Variants in DGKH observed in about 807,000 individuals in gnomAD.
The protein encoded by DGKH is DAG kinase eta.
In DGKH, 90 loss-of-function variants were observed where a neutral mutation model predicts 159.3. That is an observed-to-expected ratio of 0.57 (90% CI 0.48 to 0.67). The LOEUF is 0.67. Ranked by LOEUF, DGKH falls within the 30% of genes least tolerant of loss-of-function variation. The probability of loss-of-function intolerance (pLI) is 0.00; values close to 1 mark genes in which losing one functional copy is unlikely to be tolerated. For synonymous variants in DGKH, 536 were observed against 553.8 expected (o/e 0.97, Z 0.45); for missense variants, 1,181 against 1,506.1 (o/e 0.78, Z 3.57).
chr13:42,101,325 C>T (rs545555207), intron 1 of DGKH, among the ~76,000 whole-genome samples: 2 of 152,346 alleles, frequency 1.3e-5, no homozygotes, highest in African/African-American at 4.8e-5. Flanking sequence ...AATGATACAG[C>T]ATTAAGGCAC....
At chr13:42,116,722 C>T (rs1051523512) in intron 1 of DGKH, among the ~76,000 whole-genome samples, 2 of 152,108 alleles carry the variant, frequency 1.3e-5, no homozygotes, top group Admixed American at 6.5e-5. Flanking sequence ...GACACAGAGG[C>T]GTTTCTGAAA....
At chr13:42,164,141 A>C (rs1396214871) in intron 7 of DGKH, among the ~76,000 whole-genome samples, 1 of 152,224 alleles carries the variant, frequency 6.6e-6, no homozygotes, top group Non-Finnish European at 1.5e-5. Flanking sequence ...GAAAACAAAC[A>C]AAATAAAAAA....
chr13:42,069,963 A>G (rs1244161814), intron 1 of DGKH: 4 of 737,804 alleles, frequency 5.4e-6, no homozygotes, highest in Non-Finnish European at 9.5e-6. Flanking sequence ...GCTGAACTTC[A>G]TCAATATCAA....
intron 13 of DGKH, among the ~76,000 whole-genome samples, chr13:42,182,646 C>T (rs1479028977): frequency 6.6e-6 from 1 of 152,090 alleles, no homozygotes; most frequent in East Asian, 1.9e-4. Flanking sequence ...GTAGACAAAA[C>T]AATCTGTTTT....
Position 42,184,834 on chromosome 13 carries a change from T to G in DGKH, c.1539-2215T>G, listed in dbSNP as rs138755006. On this transcript the variant is annotated intron_variant, in intron 13 of 29. Transcript: ENST00000337343. ...GTTACCTATGATCACACCATTGCACTCCAGCCTAGGCAACTGAGCAAGACC... is the reference window on the plus strand; with the variant it reads ...GTTACCTATGATCACACCATTGCACGCCAGCCTAGGCAACTGAGCAAGACC... Among the ~76,000 whole-genome samples the G allele has an allele frequency of 6.3e-3, 959 of 151,514 alleles. 11 individuals carry two copies. The highest frequency in any genetic ancestry group is 0.022 in the African/African-American group (917 of 41,290).
At chr13:42,087,433 C>A (rs1403856332) in intron 1 of DGKH, among the ~76,000 whole-genome samples, 4 of 151,870 alleles carry the variant, frequency 2.6e-5, no homozygotes, top group African/African-American at 9.7e-5. Flanking sequence ...GAAAATTCAA[C>A]CCAGAAATAG....
chr13:42,055,403 C>A (rs1881679946), intron 1 of DGKH, among the ~76,000 whole-genome samples: 1 of 152,134 alleles, frequency 6.6e-6, no homozygotes, highest in South Asian at 2.1e-4. Context: ...GGTATAACAC[C>A]TTTCTTTCCA....
At chr13:42,087,210 C>T (rs2137735837) in intron 1 of DGKH, among the ~76,000 whole-genome samples, 1 of 152,214 alleles carries the variant, frequency 6.6e-6, no homozygotes, top group East Asian at 1.9e-4. Flanking sequence ...TCAGAAGGGC[C>T]TTGCCTCAGT....
chr13:42,157,597 G>T (rs1047566350), intron 5 of DGKH, among the ~76,000 whole-genome samples: 1 of 152,128 alleles, frequency 6.6e-6, no homozygotes, highest in Non-Finnish European at 1.5e-5. Flanking sequence ...AAGCCACCAC[G>T]CCCAGCCTCA....
intron 20 of DGKH, among the ~76,000 whole-genome samples, chr13:42,202,525 T>C (rs1269014497): frequency 1.3e-5 from 2 of 152,244 alleles, no homozygotes; most frequent in African/African-American, 2.4e-5. Context: ...TTGACCTTGG[T>C]TTCCCTATAT....
Position 42,199,636 on chromosome 13 carries a change from G to T in DGKH, c.2356G>T (p.Glu786Ter). The change falls in exon 19 of 30, where the codon GAA (glutamate) becomes TAA (stop). Residue 786 changes from glutamate to a stop codon, truncating the protein, a stop_gained. Coordinates refer to ENST00000337343, the MANE Select transcript of DGKH (RefSeq NM_178009.5). LOFTEE classifies it high-confidence loss of function. Reference protein sequence around the residue: ...GIGLDAKISLEFNNKREEHPE... With the variant: ...GIGLDAKISL ...TGGATTAGATGCAAAAATTTCATTA[G>T]AATTTAATAATAAAAGAGAGGAGCA... The T allele has an allele frequency of 1.2e-6, 2 of 1,605,030 alleles. No homozygotes were observed. Among genetic ancestry groups the T allele is most frequent in the Non-Finnish European group, 1.7e-6 (2 of 1,177,162 alleles).
At chr13:42,105,744 T>A (rs969888117) in intron 1 of DGKH, among the ~76,000 whole-genome samples, 3 of 152,182 alleles carry the variant, frequency 2.0e-5, no homozygotes, top group Admixed American at 6.5e-5. Context: ...ACCTTTTATA[T>A]GTAGGTAAAT....
chr13:42,051,460 A>G (rs1334475658), intron 1 of DGKH, among the ~76,000 whole-genome samples: 1 of 152,222 alleles, frequency 6.6e-6, no homozygotes, highest in East Asian at 1.9e-4. Context: ...AAGTGAGAGC[A>G]ATAGGGGGAA....
Position 42,237,260 on chromosome 13 carries a change from CTA to C in DGKH, c.*8074_*8075del, listed in dbSNP as rs1244002285. Reference sequence around the variant, plus strand: ...AAGCCCTAACTTTAACTGTTTTCTTCTATGTTACAGTGTTAGCGGTTGATGTA... The same window carrying C: ...AAGCCCTAACTTTAACTGTTTTCTTCTGTTACAGTGTTAGCGGTTGATGTA... On this transcript the variant is annotated 3_prime_UTR_variant, in exon 30 of 30. Coordinates refer to ENST00000337343, the MANE Select transcript of DGKH (RefSeq NM_178009.5). 3 of 152,120 alleles carry C rather than the reference CTA, an allele frequency of 2.0e-5. No individual in the cohort carries two copies. The highest frequency in any genetic ancestry group is 7.2e-5 in the African/African-American group (3 of 41,428). The allele number at this position is 152,120 out of a possible 1,614,324, so 9.4% of individuals were successfully genotyped here. A position where few individuals can be genotyped will look rare whatever the true frequency, so the allele number is the denominator to read the frequency against.
At chr13:42,093,880 A>G (rs1243093494) in intron 1 of DGKH, among the ~76,000 whole-genome samples, 4 of 152,266 alleles carry the variant, frequency 2.6e-5, no homozygotes, top group South Asian at 2.1e-4. Flanking sequence ...GAGTTGTTCC[A>G]TGGGTGTAGA....
intron 1 of DGKH, among the ~76,000 whole-genome samples, chr13:42,108,133 C>T (rs779587017): frequency 1.3e-5 from 2 of 152,056 alleles, no homozygotes; most frequent in African/African-American, 2.4e-5. Flanking sequence ...TGGCCCTGCT[C>T]ACCATCAGGA....
chr13:42,155,067 A>G (rs923740116), intron 3 of DGKH, among the ~76,000 whole-genome samples: 7 of 152,220 alleles, frequency 4.6e-5, no homozygotes, highest in South Asian at 2.1e-4. Context: ...CCATAGCCTT[A>G]GAAAAAAGGG....
intron 12 of DGKH, among the ~76,000 whole-genome samples, chr13:42,177,571 T>C (rs12585865): frequency 0.34 from 51,494 of 152,132 alleles, 10,146 homozygotes; most frequent in Admixed American, 0.51. Flanking sequence ...AGAGACACTA[T>C]CAAATCGTTT....
intron 7 of DGKH, among the ~76,000 whole-genome samples, chr13:42,163,891 C>G (rs1252778376): frequency 6.6e-5 from 10 of 152,178 alleles, no homozygotes; most frequent in Admixed American, 6.5e-4. Flanking sequence ...TCAATTTTGG[C>G]TTTTGTTGCC....
Sources: gnomAD v4.1 joint callset for allele counts (sites outside exome capture counted in the v4.1 genomes callset) on GRCh38, gnomAD v4.1.1 for gene constraint, MANE v1.5 for transcripts, NCBI Gene and HGNC (gene_info 2026-07-23, HGNC 2026-07-21) for gene names.